AGMO: variants seen among roughly 807,000 people sequenced by gnomAD.
AGMO encodes alkylglycerol monooxygenase.
In AGMO, 75 loss-of-function variants were observed where a neutral mutation model predicts 60.2. That is an observed-to-expected ratio of 1.25 (90% CI 1.03 to 1.51). The LOEUF is 1.51. AGMO is among the 40% of genes most tolerant of loss of function. The pLI, the probability that AGMO is intolerant of heterozygous loss-of-function variation, is 0.00. For missense variants in AGMO, 763 were observed against 525.5 expected (o/e 1.45, Z -4.42); for synonymous variants, 261 against 177.1 (o/e 1.47, Z -3.76).
intron 3 of AGMO, among the ~76,000 whole-genome samples, chr7:15,527,676 A>T (rs1049486494): frequency 6.6e-6 from 1 of 152,196 alleles, no homozygotes; most frequent in African/African-American, 2.4e-5. Flanking sequence ...AAGAAGATGC[A>T]ATCTACAATT....
At chr7:15,476,142 T>C (rs895317215) in intron 3 of AGMO, among the ~76,000 whole-genome samples, 13 of 152,216 alleles carry the variant, frequency 8.5e-5, no homozygotes, top group Non-Finnish European at 1.2e-4. Context: ...TATTTTGAAG[T>C]AGAAATCGAA....
intron 3 of AGMO, among the ~76,000 whole-genome samples, chr7:15,468,315 C>T (rs1782346635): frequency 6.6e-6 from 1 of 152,090 alleles, no homozygotes; most frequent in South Asian, 2.1e-4. Flanking sequence ...ACCAAGATTA[C>T]TATACCAAGA....
intron 12 of AGMO, among the ~76,000 whole-genome samples, chr7:15,295,500 G>A (rs1246669112): frequency 2.0e-5 from 3 of 151,982 alleles, no homozygotes; most frequent in African/African-American, 7.2e-5. Flanking sequence ...AGAAATGTGG[G>A]TGATAGTGGG....
intron 3 of AGMO, among the ~76,000 whole-genome samples, chr7:15,539,389 T>C (rs1784562213): frequency 6.6e-6 from 1 of 152,174 alleles, no homozygotes; most frequent in Non-Finnish European, 1.5e-5. Flanking sequence ...AGTGAGAACA[T>C]GTGGTATGTG....
At chr7:15,367,684 A>G (rs1783039643) in intron 10 of AGMO, among the ~76,000 whole-genome samples, 1 of 152,130 alleles carries the variant, frequency 6.6e-6, no homozygotes, top group Non-Finnish European at 1.5e-5. Context: ...ACTTCAGATT[A>G]AAAGTGGATC....
chr7:15,461,665 A>C (rs1233598938), intron 3 of AGMO, among the ~76,000 whole-genome samples: 2 of 152,110 alleles, frequency 1.3e-5, no homozygotes, highest in Admixed American at 6.6e-5. Context: ...TTTGTTGATC[A>C]GACCTCTGGG....
At chr7:15,439,492 T>C (rs1298539497) in intron 3 of AGMO, among the ~76,000 whole-genome samples, 3 of 152,238 alleles carry the variant, frequency 2.0e-5, no homozygotes, top group Non-Finnish European at 4.4e-5. Flanking sequence ...CTTTGTACTC[T>C]GCCCCTTGCC....
At chr7:15,242,667 A>T (rs1285516280) in intron 12 of AGMO, among the ~76,000 whole-genome samples, 1 of 152,154 alleles carries the variant, frequency 6.6e-6, no homozygotes, top group African/African-American at 2.4e-5. Context: ...GTAATCAATA[A>T]AACTGAGATA....
intron 10 of AGMO, among the ~76,000 whole-genome samples, chr7:15,374,831 T>G (rs112631438): frequency 2.6e-5 from 4 of 151,906 alleles, no homozygotes; most frequent in Admixed American, 2.6e-4. Flanking sequence ...ATTTGGAAAA[T>G]AGAGTACCAA....
chr7:15,361,395 C>G (rs1467829499), intron 12 of AGMO, among the ~76,000 whole-genome samples: 1 of 151,378 alleles, frequency 6.6e-6, no homozygotes, highest in Non-Finnish European at 1.5e-5. Context: ...AAAAAATTAG[C>G]CGGGCGTGGT....
chr7:15,503,227 T>A (rs1783432386), intron 3 of AGMO, among the ~76,000 whole-genome samples: 1 of 152,028 alleles, frequency 6.6e-6, no homozygotes. Context: ...TAGAGATGAT[T>A]GTTGAACAAA....
chr7:15,221,405 G>A (rs751046086), intron 12 of AGMO, among the ~76,000 whole-genome samples: 1 of 151,822 alleles, frequency 6.6e-6, no homozygotes, highest in African/African-American at 2.4e-5. Context: ...CACAGAAAGA[G>A]AGAAAAAAAA....
downstream of AGMO, among the ~76,000 whole-genome samples, chr7:15,195,837 C>G (rs1781103669): frequency 6.6e-6 from 1 of 152,154 alleles, no homozygotes. Flanking sequence ...TGTATCATTA[C>G]CATTATTAAT....
chr7:15,298,999 T>C (rs1026648053), intron 12 of AGMO, among the ~76,000 whole-genome samples: 1 of 152,142 alleles, frequency 6.6e-6, no homozygotes, highest in Admixed American at 6.6e-5. Context: ...GACTCCCTAC[T>C]TTGTGATTTC....
the AGMO span, among the ~76,000 whole-genome samples, chr7:15,172,720 T>C: frequency 6.6e-6 from 1 of 152,076 alleles, no homozygotes; most frequent in African/African-American, 2.4e-5. Flanking sequence ...GAGGAAGAAT[T>C]ATGCTTATGC....
At chr7:15,422,568 C>A (rs1780955270) in intron 4 of AGMO, among the ~76,000 whole-genome samples, 1 of 151,978 alleles carries the variant, frequency 6.6e-6, no homozygotes, top group Non-Finnish European at 1.5e-5. Flanking sequence ...AATAAAAAAA[C>A]CCTCACATTT....
the AGMO span, among the ~76,000 whole-genome samples, chr7:15,176,967 G>T: frequency 2.6e-5 from 4 of 152,044 alleles, no homozygotes; most frequent in East Asian, 5.8e-4. Flanking sequence ...ACATGACCAA[G>T]ACATGTCATT....
At chr7:15,335,676 T>C (rs556895330) in intron 12 of AGMO, among the ~76,000 whole-genome samples, 2 of 152,302 alleles carry the variant, frequency 1.3e-5, no homozygotes, top group African/African-American at 4.8e-5. Context: ...ACCTTTGAAA[T>C]GTTCTCTGCA....
In AGMO at chr7:15,508,875, G is replaced by GT. The variant is rs1783599287; in HGVS notation, c.409+35896dup. ...ATATACCATAATACATTCCATTCAG[G>GT]TGAATGTAATTAAATGTATGTCATG... On this transcript the variant is annotated intron_variant, in intron 3 of 12. Coordinates refer to ENST00000342526, the MANE Select transcript of AGMO (RefSeq NM_001004320.2). Among the ~76,000 whole-genome samples, 2 of 152,108 alleles carry GT rather than the reference G, an allele frequency of 1.3e-5. 1 individual carries two copies. The highest frequency in any genetic ancestry group is 4.1e-4 in the South Asian group (2 of 4,826).
Sources: gnomAD v4.1 joint callset for allele counts (sites outside exome capture counted in the v4.1 genomes callset) on GRCh38, gnomAD v4.1.1 for gene constraint, MANE v1.5 for transcripts, NCBI Gene and HGNC (gene_info 2026-07-23, HGNC 2026-07-21) for gene names.